Variants in COG6 observed in about 807,000 individuals in gnomAD.
The protein encoded by COG6 is component of oligomeric golgi complex 6, also known as conserved oligomeric Golgi complex subunit 6.
COG6 carries 74 observed loss-of-function variants against 88.8 expected under a neutral mutation model. The observed-to-expected ratio is 0.83, with a 90% CI of 0.69 to 1.01. COG6 has a LOEUF of 1.01. Ranked by LOEUF, COG6 falls within the 50% of genes least tolerant of loss-of-function variation. The pLI is 0.00. For synonymous variants in COG6, 286 were observed against 278.7 expected (o/e 1.03, Z -0.26); for missense variants, 800 against 797.9 (o/e 1.00, Z -0.03).
chr13:39,688,335 A>C (rs1232455083), intron 10 of COG6, among the ~76,000 whole-genome samples: 3 of 152,160 alleles, frequency 2.0e-5, no homozygotes, highest in South Asian at 2.1e-4. Context: ...TTGGTAACCT[A>C]TAAAGAGGTT....
chr13:39,757,907 A>G (rs1011202907), intron 18 of COG6, among the ~76,000 whole-genome samples: 18 of 152,040 alleles, frequency 1.2e-4, no homozygotes, highest in Non-Finnish European at 1.9e-4. Context: ...TCCAAAATAA[A>G]CTCTTGCAAT....
chr13:39,686,677 T>A (rs1876661627), intron 8 of COG6, among the ~76,000 whole-genome samples: 1 of 152,188 alleles, frequency 6.6e-6, no homozygotes. Context: ...ATAGTATGTG[T>A]AAAGAAGACT....
At chr13:39,764,087 TA>T (rs1301900302) in intron 18 of COG6, among the ~76,000 whole-genome samples, 1 of 151,904 alleles carries the variant, frequency 6.6e-6, no homozygotes, top group Non-Finnish European at 1.5e-5. Context: ...TAAATAGACG[TA>T]AAACTGTTTG....
chr13:39,657,934 A>G (rs1265632722), intron 1 of COG6, among the ~76,000 whole-genome samples: 1 of 152,108 alleles, frequency 6.6e-6, no homozygotes, highest in Non-Finnish European at 1.5e-5. Context: ...TTGGATACTG[A>G]TTGACGTCAT....
At chr13:39,769,708 C>G (rs376856078) in intron 18 of COG6, among the ~76,000 whole-genome samples, 2 of 152,114 alleles carry the variant, frequency 1.3e-5, no homozygotes, top group African/African-American at 4.8e-5. Flanking sequence ...AAACCTAACC[C>G]CCAAGGTAAT....
chr13:39,719,631 A>G, intron 14 of COG6, 29 bp from the exon 15 acceptor site: 1 of 1,592,936 alleles, frequency 6.3e-7, no homozygotes, highest in Non-Finnish European at 8.6e-7. Context: ...ATTGAGAAAT[A>G]AAGAGTTCAT....
chr13:39,767,889 A>G (rs951410757), intron 18 of COG6, among the ~76,000 whole-genome samples: 1 of 152,138 alleles, frequency 6.6e-6, no homozygotes, highest in African/African-American at 2.4e-5. Flanking sequence ...GCTAAACTGG[A>G]GCTTTGATTT....
chr13:39,748,796 G>C (rs1419440660), intron 18 of COG6, among the ~76,000 whole-genome samples: 2 of 152,078 alleles, frequency 1.3e-5, no homozygotes, highest in East Asian at 3.9e-4. Context: ...GGAAGCTTTA[G>C]CAATTTTTGG....
chr13:39,783,670 A>G (rs1205129640), intron 18 of COG6, among the ~76,000 whole-genome samples: 1 of 152,188 alleles, frequency 6.6e-6, no homozygotes, highest in Non-Finnish European at 1.5e-5. Flanking sequence ...GTGACCAGAT[A>G]TTCAATATTA....
chr13:39,700,253 T>A (rs578210607), intron 13 of COG6, among the ~76,000 whole-genome samples: 58 of 152,030 alleles, frequency 3.8e-4, no homozygotes, highest in African/African-American at 1.3e-3. Context: ...ATCACCATGC[T>A]GGCTTTTTAA....
chr13:39,727,937 G>A (rs1367860500), intron 18 of COG6, among the ~76,000 whole-genome samples: 3 of 152,178 alleles, frequency 2.0e-5, no homozygotes, highest in East Asian at 1.9e-4. Context: ...TGAATCTAAG[G>A]TAGTGTTCTG....
chr13:39,768,005 A>C (rs1881216217), intron 18 of COG6, among the ~76,000 whole-genome samples: 1 of 152,154 alleles, frequency 6.6e-6, no homozygotes, highest in Non-Finnish European at 1.5e-5. Flanking sequence ...GGGTTTCCAC[A>C]TGCTGTCCAT....
intron 18 of COG6, among the ~76,000 whole-genome samples, chr13:39,784,410 C>T (rs1881714882): frequency 6.6e-6 from 1 of 152,196 alleles, no homozygotes; most frequent in East Asian, 1.9e-4. Flanking sequence ...CTCTGGGCTT[C>T]AGATCCGTCC....
At chr13:39,775,143 A>G (rs966544426) in intron 18 of COG6, among the ~76,000 whole-genome samples, 10 of 152,294 alleles carry the variant, frequency 6.6e-5, no homozygotes, top group African/African-American at 2.4e-4. Context: ...CTCGGGAGCC[A>G]GGCCTGGCCT....
intron 18 of COG6, among the ~76,000 whole-genome samples, chr13:39,728,921 C>T (rs1237697428): frequency 6.6e-6 from 1 of 152,086 alleles, no homozygotes; most frequent in Non-Finnish European, 1.5e-5. Context: ...CCTCGGCCTC[C>T]CAAAGTGCTG....
intron 18 of COG6, among the ~76,000 whole-genome samples, chr13:39,737,336 C>T (rs1259804304): frequency 6.6e-6 from 1 of 152,008 alleles, no homozygotes; most frequent in African/African-American, 2.4e-5. Flanking sequence ...GCCTATGTTC[C>T]CTCAAGGTCC....
chr13:39,730,032 A>C (rs1367499192), intron 18 of COG6, among the ~76,000 whole-genome samples: 2 of 152,158 alleles, frequency 1.3e-5, no homozygotes, highest in Non-Finnish European at 2.9e-5. Context: ...ACAATATTTT[A>C]GTTTCTCCTT....
At chr13:39,729,587 G>A (rs1434639955) in intron 18 of COG6, among the ~76,000 whole-genome samples, 2 of 152,048 alleles carry the variant, frequency 1.3e-5, no homozygotes, top group Non-Finnish European at 2.9e-5. Flanking sequence ...CTGAATATTT[G>A]AACAACTCAC....
chr13:39,744,879 T>G (rs547579711), intron 18 of COG6, among the ~76,000 whole-genome samples: 124 of 152,178 alleles, frequency 8.1e-4, no homozygotes, highest in Non-Finnish European at 1.4e-3. Context: ...AACCAAAACA[T>G]CATGGTACTG....
Sources: allele counts gnomAD v4.1 joint callset (sites outside exome capture counted in the v4.1 genomes callset), GRCh38; gene constraint gnomAD v4.1.1; transcripts MANE v1.5; gene names NCBI Gene and HGNC (gene_info 2026-07-23, HGNC 2026-07-21).